The following EPS8 variants were observed in gnomAD, a reference collection of about 807,000 sequenced individuals.
EPS8 encodes EGFR pathway substrate 8, signaling adaptor.
In EPS8, 42 loss-of-function variants were observed where a neutral mutation model predicts 103.8. The ratio of observed to expected loss-of-function variants is 0.40; its 90% CI spans 0.32 to 0.52. The LOEUF (loss-of-function observed/expected upper bound fraction) is 0.52, where lower values mean the gene tolerates loss of function less well. Ranked by LOEUF, EPS8 falls within the 20% of genes least tolerant of loss-of-function variation. The pLI, the probability that EPS8 is intolerant of heterozygous loss-of-function variation, is 0.40. For synonymous variants in EPS8, 344 were observed against 344.6 expected (o/e 1.00, Z 0.02); for missense variants, 969 against 1,005.1 (o/e 0.96, Z 0.49).
intron 12 of EPS8, 89 bp from the exon 13 acceptor site, chr12:15,654,382 G>C (rs1169153940): frequency 8.5e-7 from 1 of 1,173,388 alleles, no homozygotes; most frequent in African/African-American, 1.5e-5. Flanking sequence ...GCAAAAACAA[G>C]CACTACTTTT....
intron 3 of EPS8, among the ~76,000 whole-genome samples, chr12:15,678,615 A>C (rs896455370): frequency 2.6e-5 from 4 of 152,236 alleles, no homozygotes; most frequent in African/African-American, 9.6e-5. Context: ...TTATATGTAA[A>C]AGGGGGAAAA....
In EPS8 at chr12:15,734,638, G is replaced by A. The variant is rs1946750458; in HGVS notation, c.-21-51666C>T. The stretch of plus-strand genomic sequence containing the variant: ...GAACCTGGGAGGCGGACCTTGCAGT[G>A]AGCCGAGATCGCGCCACTGTACTCC... On this transcript the variant is annotated intron_variant, in intron 1 of 20. Transcript: ENST00000281172. This position sits in a 1 kb window ranked among gnomAD's most constrained non-coding sequence, Gnocchi z 4.1. 6.6e-6 allele frequency among the ~76,000 whole-genome samples: 1 copy of A among 152,090 alleles called. No individual in the cohort carries two copies. Among genetic ancestry groups the A allele is most frequent in the Non-Finnish European group, 1.5e-5 (1 of 68,016 alleles).
intron 1 of EPS8, among the ~76,000 whole-genome samples, chr12:15,758,263 T>C (rs1222619549): frequency 6.6e-6 from 1 of 152,226 alleles, no homozygotes; most frequent in Non-Finnish European, 1.5e-5. Flanking sequence ...CCAAGTATCT[T>C]AGTGTAGCTA....
rs866389576 is a variant in EPS8, at chr12:15,644,291, G to A, written c.1569-2461C>T. Among the ~76,000 whole-genome samples, 5 of 152,086 alleles carry A rather than the reference G, an allele frequency of 3.3e-5. No individual in the cohort carries two copies. The South Asian group carries it at 1.0e-3, about 32-fold the overall frequency. On this transcript the variant is annotated intron_variant, in intron 15 of 20. Transcript: ENST00000281172. The stretch of plus-strand genomic sequence containing the variant: ...TTCTGTACGTCACTTTCCTTTTTTT[G>A]TCTATAAATTTGCTCTGACCATGAG...
chr12:15,663,952 T>TAATAATA (rs1565487312), intron 8 of EPS8, among the ~76,000 whole-genome samples: 3 of 31,014 alleles, frequency 9.7e-5, no homozygotes, highest in South Asian at 1.0e-3. Context: ...AAAAATAATA[T>TAATAATA]ATATATATAT....
At chr12:15,635,247 G>C (rs991905223) in intron 17 of EPS8, among the ~76,000 whole-genome samples, 1 of 152,050 alleles carries the variant, frequency 6.6e-6, no homozygotes, top group Non-Finnish European at 1.5e-5. Flanking sequence ...GTGCATGTCA[G>C]ACAGTAATTA....
chr12:15,788,298 A>G (rs1250454953), intron 1 of EPS8, among the ~76,000 whole-genome samples: 1 of 152,228 alleles, frequency 6.6e-6, no homozygotes, highest in East Asian at 1.9e-4. Flanking sequence ...TTTGTAAAGG[A>G]GGATTCTAAT....
intron 16 of EPS8, among the ~76,000 whole-genome samples, chr12:15,641,239 C>T (rs1332228690): frequency 1.3e-5 from 2 of 151,974 alleles, no homozygotes; most frequent in Non-Finnish European, 2.9e-5. Flanking sequence ...TGATAATTCA[C>T]CTTATATATT....
At chr12:15,658,186 T>C (rs1945541605) in intron 11 of EPS8, 33 bp from the exon 12 acceptor site, 5 of 1,474,726 alleles carry the variant, frequency 3.4e-6, no homozygotes, top group Non-Finnish European at 4.7e-6. Flanking sequence ...AACAGATTAC[T>C]ATCAAGCAAG....
rs1946591164 is a variant in EPS8 at position 15,721,199 on chromosome 12, A to G, written c.-21-38227T>C. Among the ~76,000 whole-genome samples the G allele has an allele frequency of 6.6e-6, 1 of 152,216 alleles. No homozygotes were observed. The highest frequency in any genetic ancestry group is 2.4e-5 in the African/African-American group (1 of 41,458). On this transcript the variant is annotated intron_variant, in intron 1 of 20. Transcript: ENST00000281172. The surrounding 1 kb of genome is among the most constrained non-coding windows in gnomAD (Gnocchi z 4.4). Reference sequence around the variant, plus strand: ...AAAGCAAGAAAATACTATAACACAAATACCACAACAGAGTAACTCAAACTT... The same window carrying G: ...AAAGCAAGAAAATACTATAACACAAGTACCACAACAGAGTAACTCAAACTT...
At position 15,747,117 on chromosome 12, in the gene EPS8, T is replaced by A. The variant is rs1485382277; in HGVS notation, c.-22+42044A>T. ...AAACCAGAACTACAAAGTAAAATTA[T>A]CTCAATGCATAAAGCCAACCTAGTA... On this transcript the variant is annotated intron_variant, in intron 1 of 20. Coordinates refer to ENST00000281172, the MANE Select transcript of EPS8 (RefSeq NM_004447.6). This position sits in a 1 kb window ranked among gnomAD's most constrained non-coding sequence, Gnocchi z 4.4. Among the ~76,000 whole-genome samples, 3 of 152,236 alleles carry A rather than the reference T, an allele frequency of 2.0e-5. No individual in the cohort carries two copies. Among genetic ancestry groups the A allele is most frequent in the Admixed American group, 2.0e-4 (3 of 15,284 alleles).
At position 15,627,935 on chromosome 12, in the gene EPS8, A is replaced by AT. The variant is rs1039446234; in HGVS notation, c.2044+3506dup. Among the ~76,000 whole-genome samples, 9 of 152,222 alleles carry AT rather than the reference A, an allele frequency of 5.9e-5. No homozygotes were observed. The South Asian group carries it at 1.0e-3, about 18-fold the overall frequency. On this transcript the variant is annotated intron_variant, in intron 18 of 20. Coordinates refer to ENST00000281172, the MANE Select transcript of EPS8 (RefSeq NM_004447.6). The stretch of plus-strand genomic sequence containing the variant: ...AGCTTTTTGTGACCAATGTTCTATG[A>AT]TTTTTCCCCCCTAGGGAAAGGGTTT...
intron 17 of EPS8, among the ~76,000 whole-genome samples, chr12:15,635,994 C>A (rs1040625515): frequency 2.6e-5 from 4 of 152,008 alleles, no homozygotes; most frequent in Non-Finnish European, 5.9e-5. Flanking sequence ...TGAAAGACTT[C>A]TTTAGTCAGT....
intron 1 of EPS8, among the ~76,000 whole-genome samples, chr12:15,692,319 G>GTTTTTTTTTTTTTTT (rs56016545): frequency 8.3e-6 from 1 of 120,320 alleles, no homozygotes; most frequent in Non-Finnish European, 1.7e-5. Context: ...AAGAGGTTTG[G>GTTTTTTTTTTTTTTT]TTTTTTTTTT....
intron 16 of EPS8, among the ~76,000 whole-genome samples, chr12:15,641,363 A>T (rs1202890038): frequency 3.9e-4 from 1 of 2,566 alleles, no homozygotes; most frequent in Non-Finnish European, 7.9e-4. Context: ...AGGATATAGG[A>T]TTAAAAAAAG....
intron 17 of EPS8, among the ~76,000 whole-genome samples, chr12:15,640,283 C>T (rs563817877): frequency 2.8e-4 from 42 of 152,276 alleles, no homozygotes; most frequent in Non-Finnish European, 5.0e-4. Flanking sequence ...AGTGGCAGAA[C>T]ATTTAAGAGA....
At position 15,745,696 on chromosome 12, in the gene EPS8, T is replaced by C. The variant is rs1321446823; in HGVS notation, c.-22+43465A>G. ...ATCCTTGGAAATACACAAAGAGAAA[T>C]TAAACAAAGACACTGCCCCATCTTT... is the stretch of plus-strand genomic sequence containing the variant. On this transcript the variant is annotated intron_variant, in intron 1 of 20. Coordinates refer to ENST00000281172, the MANE Select transcript of EPS8 (RefSeq NM_004447.6). The surrounding 1 kb of genome is among the most constrained non-coding windows in gnomAD (Gnocchi z 4.6). Among the ~76,000 whole-genome samples, 2 of 152,080 alleles carry C rather than the reference T, an allele frequency of 1.3e-5. No homozygotes were observed. Among genetic ancestry groups the C allele is most frequent in the Non-Finnish European group, 2.9e-5 (2 of 68,006 alleles).
At chr12:15,715,432 G>A (rs1382531639) in intron 1 of EPS8, among the ~76,000 whole-genome samples, 3 of 116,924 alleles carry the variant, frequency 2.6e-5, no homozygotes, top group South Asian at 3.0e-4. Context: ...TCACTCTGCC[G>A]CCCAGGCTGG....
rs2136018170 is a variant in EPS8, at chr12:15,751,077, C to T, written c.-22+38084G>A. On this transcript the variant is annotated intron_variant, in intron 1 of 20. Coordinates refer to ENST00000281172, the MANE Select transcript of EPS8 (RefSeq NM_004447.6). This position sits in a 1 kb window ranked among gnomAD's most constrained non-coding sequence, Gnocchi z 4.3. ...CAGCATTCAAGAATCCACATTATCACCAGGCTTGGTGGCACATGCCTGTAA... is the reference window on the plus strand; with the variant it reads ...CAGCATTCAAGAATCCACATTATCATCAGGCTTGGTGGCACATGCCTGTAA... 6.6e-6 allele frequency among the ~76,000 whole-genome samples: 1 copy of T among 152,234 alleles called. No homozygotes were observed. Among genetic ancestry groups the T allele is most frequent in the East Asian group, 1.9e-4 (1 of 5,178 alleles).
Sources: allele counts gnomAD v4.1 joint callset (sites outside exome capture counted in the v4.1 genomes callset), GRCh38; gene constraint gnomAD v4.1.1; non-coding constraint Gnocchi (gnomAD v3.1); transcripts MANE v1.5; gene names NCBI Gene and HGNC (gene_info 2026-07-23, HGNC 2026-07-21).